The following PLA2G7 variants were observed in gnomAD, a reference collection of about 807,000 sequenced individuals.
The protein encoded by PLA2G7 is phospholipase A2 group VII, also known as platelet-activating factor acetylhydrolase.
Under a neutral mutation model 49.6 loss-of-function variants are expected in PLA2G7, and 63 were observed. That is an observed-to-expected ratio of 1.27 (90% confidence interval 1.04 to 1.57). The LOEUF is 1.57. PLA2G7 is among the 40% of genes most tolerant of loss of function. The pLI is 0.00. For missense variants in PLA2G7, 596 were observed against 521.2 expected, an observed-to-expected ratio of 1.14 and a Z score of -1.40; for synonymous variants, 193 against 169.9, an observed-to-expected ratio of 1.14 and a Z score of -1.06.
At chr6:46,725,598 A>T (rs2150709909) in intron 1 of PLA2G7, among the ~76,000 whole-genome samples, 1 of 152,294 alleles carries the variant, frequency 6.6e-6, no homozygotes. Flanking sequence ...GATCAGAAAA[A>T]AAAGGTATAT....
chr6:46,718,227 C>G (rs1037502128), intron 2 of PLA2G7, among the ~76,000 whole-genome samples: 9 of 152,212 alleles, frequency 5.9e-5, no homozygotes, highest in African/African-American at 1.9e-4. Context: ...CAAATCACAC[C>G]AGACAATTCT....
chr6:46,704,648 T>C lies in PLA2G7; in HGVS notation c.1238A>G (p.Asp413Gly), dbSNP rs1764739313. Residue 413 changes from aspartate to glycine, a missense_variant, in exon 12 of 12, where the codon GAT becomes GGT. By Grantham distance (94) the Asp-to-Gly change is moderately conservative (BLOSUM62 -1). Transcript: ENST00000274793. The part of the protein sequence containing the change: ...DQWDCLIEGD[D>G]ENLIPGTNIN... ...GTTGGTCCCTGGAATAAGATTCTCA[T>C]CATCTCCTTCAATCAAGCAGTCCCA... 1 of 1,577,618 alleles carries C rather than the reference T, an allele frequency of 6.3e-7. No individual in the cohort carries two copies. The highest frequency in any genetic ancestry group is 1.1e-5 in the South Asian group (1 of 90,456).
chr6:46,719,602 G>A (rs1452804496), intron 2 of PLA2G7, among the ~76,000 whole-genome samples: 1 of 152,168 alleles, frequency 6.6e-6, no homozygotes, highest in Non-Finnish European at 1.5e-5. Context: ...GTGAATTGGA[G>A]GGACATGGTT....
intron 1 of PLA2G7, among the ~76,000 whole-genome samples, chr6:46,729,209 T>C (rs986182433): frequency 6.6e-6 from 1 of 152,170 alleles, no homozygotes; most frequent in African/African-American, 2.4e-5. Context: ...AGTGTCCATA[T>C]TCTCCAGGAG....
chr6:46,722,636 C>G (rs1016883567), intron 2 of PLA2G7, 147 bp downstream of exon 2: 1 of 658,120 alleles, frequency 1.5e-6, no homozygotes, highest in East Asian at 2.8e-5. Flanking sequence ...AAAGTGAGAA[C>G]CTCTCCCCTA....
intron 1 of PLA2G7, among the ~76,000 whole-genome samples, chr6:46,734,946 C>A (rs1490209198): frequency 6.6e-6 from 1 of 152,168 alleles, no homozygotes; most frequent in African/African-American, 2.4e-5. Context: ...TGCTTCCTTT[C>A]GGGAAAAGGT....
chr6:46,714,512 GC>G lies in PLA2G7; in HGVS notation c.417del (p.Arg139SerfsTer35). On this transcript the variant is annotated frameshift_variant, in exon 5 of 12. Coordinates refer to ENST00000274793, the MANE Select transcript of PLA2G7 (RefSeq NM_005084.4). LOFTEE classifies it high-confidence loss of function. ...ACAACAAGTGGATATTTTTCACCAG[GC>G]CTCAGAGGGGAATTCCAGTTTGCAG... ...TTPANWNSPL[R>X]PGEKYPLVVF... 1 of 1,612,314 alleles carries G rather than the reference GC, an allele frequency of 6.2e-7. No individual in the cohort carries two copies.
At chr6:46,731,154 T>A (rs1003596977) in intron 1 of PLA2G7, among the ~76,000 whole-genome samples, 1 of 152,226 alleles carries the variant, frequency 6.6e-6, no homozygotes, top group African/African-American at 2.4e-5. Flanking sequence ...GTTGCCTTAT[T>A]GTGGCAGTTA....
intron 2 of PLA2G7, among the ~76,000 whole-genome samples, chr6:46,719,559 C>A (rs376324578): frequency 2.0e-5 from 3 of 152,278 alleles, no homozygotes; most frequent in African/African-American, 7.2e-5. Context: ...TCAAGAAAGG[C>A]AAGGGGAGAG....
intron 4 of PLA2G7, 136 bp downstream of exon 4, chr6:46,716,248 A>G: frequency 6.7e-6 from 6 of 901,818 alleles, no homozygotes; most frequent in South Asian, 4.3e-5. Flanking sequence ...CTTTAAAGAA[A>G]TACTTTCCTT....
chr6:46,709,217 A>T, intron 9 of PLA2G7, 110 bp downstream of exon 9: 1 of 713,284 alleles, frequency 1.4e-6, no homozygotes, highest in South Asian at 1.5e-5. Flanking sequence ...AGCCTTATAA[A>T]CTCCAAGAGA....
chr6:46,718,685 C>A (rs1319927559), intron 2 of PLA2G7, among the ~76,000 whole-genome samples: 1 of 152,216 alleles, frequency 6.6e-6, no homozygotes, highest in African/African-American at 2.4e-5. Context: ...TCTCTGAAAC[C>A]TTCCCTGATT....
At chr6:46,713,242 G>C (rs1052889688) in intron 5 of PLA2G7, among the ~76,000 whole-genome samples, 1 of 152,132 alleles carries the variant, frequency 6.6e-6, no homozygotes, top group African/African-American at 2.4e-5. Flanking sequence ...AGAATAAAAA[G>C]GAGGTAGCTA....
intron 2 of PLA2G7, among the ~76,000 whole-genome samples, 194 bp downstream of exon 2, chr6:46,722,589 A>G (rs1765435391): frequency 6.6e-6 from 1 of 152,196 alleles, no homozygotes; most frequent in South Asian, 2.1e-4. Context: ...ATACTGAAGA[A>G]CACAAGTGCT....
At chr6:46,729,782 C>A (rs1420055760) in intron 1 of PLA2G7, among the ~76,000 whole-genome samples, 2 of 152,118 alleles carry the variant, frequency 1.3e-5, no homozygotes, top group Non-Finnish European at 2.9e-5. Flanking sequence ...AATAGCACAC[C>A]CCAGTTGTGG....
chr6:46,734,451 AGAGAGAGAGAG>A, intron 1 of PLA2G7, among the ~76,000 whole-genome samples: 1 of 97,600 alleles, frequency 1.0e-5, no homozygotes, highest in Non-Finnish European at 2.0e-5. Flanking sequence ...AGAGAGAGAG[AGAGAGAGAGAG>A]AGAGAGAGAG....
chr6:46,731,082 T>G (rs1319840595), intron 1 of PLA2G7, among the ~76,000 whole-genome samples: 3 of 152,176 alleles, frequency 2.0e-5, no homozygotes, highest in African/African-American at 4.8e-5. Flanking sequence ...TTTTTTCCTC[T>G]AAGCAGGCAT....
intron 2 of PLA2G7, among the ~76,000 whole-genome samples, chr6:46,720,009 C>T (rs889390273): frequency 6.6e-6 from 1 of 152,182 alleles, no homozygotes; most frequent in Non-Finnish European, 1.5e-5. Flanking sequence ...TCTACTGAGC[C>T]ATGCTTCTGG....
intron 6 of PLA2G7, 92 bp downstream of exon 6, chr6:46,712,177 T>C (rs1385124197): frequency 3.4e-6 from 3 of 869,866 alleles, no homozygotes; most frequent in African/African-American, 3.3e-5. Context: ...ATCAACATTT[T>C]AAATAAACTT....
Sources: gnomAD v4.1 joint callset for allele counts (sites outside exome capture counted in the v4.1 genomes callset) on GRCh38, gnomAD v4.1.1 for gene constraint, MANE v1.5 for transcripts, NCBI Gene and HGNC (gene_info 2026-07-23, HGNC 2026-07-21) for gene names.